RUNX1T1: variants seen among roughly 807,000 people sequenced by gnomAD.
The protein encoded by RUNX1T1 is protein CBFA2T1.
A neutral mutation model predicts 62.8 loss-of-function variants in RUNX1T1; 4 were observed. The ratio of observed to expected loss-of-function variants is 0.06; its 90% CI spans 0.03 to 0.15. RUNX1T1 has a LOEUF of 0.15. RUNX1T1 is among the 10% of genes least tolerant of loss of function. The pLI is 1.00. For missense variants in RUNX1T1, 508 were observed against 754.3 expected (o/e 0.67, Z 3.82); for synonymous variants, 291 against 286.0 (o/e 1.02, Z -0.18).
chr8:92,028,194 T>TTC (rs200563141), intron 1 of RUNX1T1, among the ~76,000 whole-genome samples: 4,289 of 140,262 alleles, frequency 0.031, 205 homozygotes, highest in African/African-American at 0.11. Flanking sequence ...ATATTAGTAA[T>TTC]TCTTTTTTTT....
At chr8:91,963,487 TTTC>T (rs1435120412) in intron 10 of RUNX1T1, among the ~76,000 whole-genome samples, 66 of 152,320 alleles carry the variant, frequency 4.3e-4, no homozygotes, top group African/African-American at 1.5e-3. Flanking sequence ...GAAAGAGCAA[TTTC>T]TATTAATATA....
At chr8:91,955,523 T>C (rs1431229363), downstream of RUNX1T1, 4 of 225,664 alleles carry the variant, frequency 1.8e-5, no homozygotes, top group East Asian at 2.6e-4. Context: ...ACTACCAAAT[T>C]CTTGGAAAAG....
At chr8:92,062,233 T>C (rs567767648) in intron 1 of RUNX1T1, among the ~76,000 whole-genome samples, 3 of 152,034 alleles carry the variant, frequency 2.0e-5, no homozygotes, top group Non-Finnish European at 4.4e-5. Context: ...ACAGAAACAA[T>C]ACTTCTTACT....
chr8:92,047,298 T>G (rs1023153327), intron 1 of RUNX1T1, among the ~76,000 whole-genome samples: 1 of 151,964 alleles, frequency 6.6e-6, no homozygotes. Context: ...TTCCCTCATC[T>G]CCCTCAAATC....
At chr8:92,018,692 T>C (rs1472854419) in intron 1 of RUNX1T1, among the ~76,000 whole-genome samples, 1 of 152,206 alleles carries the variant, frequency 6.6e-6, no homozygotes, top group African/African-American at 2.4e-5. Context: ...ATTCCAAATC[T>C]ACCTCACTTT....
intron 2 of RUNX1T1, among the ~76,000 whole-genome samples, chr8:92,072,683 T>C (rs1413042468): frequency 4.6e-5 from 7 of 152,236 alleles, no homozygotes; most frequent in Admixed American, 3.3e-4. Context: ...CACACTGACC[T>C]GGGATCAGTG....
chr8:91,978,400 C>T (rs1165901279), intron 8 of RUNX1T1, among the ~76,000 whole-genome samples: 1 of 152,114 alleles, frequency 6.6e-6, no homozygotes, highest in Non-Finnish European at 1.5e-5. Context: ...CTGGTACTTG[C>T]TATTATCCTC....
chr8:92,005,226 G>A (rs1376185409), exon 5 of RUNX1T1: 1 of 1,614,064 alleles, frequency 6.2e-7, no homozygotes. Context: ...GCTGGGCGAG[G>A]TACTGGGCAG....
At chr8:91,982,987 G>A (rs1815722030) in intron 8 of RUNX1T1, among the ~76,000 whole-genome samples, 1 of 142,736 alleles carries the variant, frequency 7.0e-6, no homozygotes, top group Non-Finnish European at 1.5e-5. Flanking sequence ...GAGTGCAATG[G>A]CGTGATCTCG....
At chr8:91,969,395 T>G (rs1359773920) in intron 10 of RUNX1T1, among the ~76,000 whole-genome samples, 1 of 152,202 alleles carries the variant, frequency 6.6e-6, no homozygotes, top group African/African-American at 2.4e-5. Context: ...AAGTGACAGT[T>G]TTAATGATAT....
At chr8:91,962,962 C>T (rs1232021483) in intron 10 of RUNX1T1, among the ~76,000 whole-genome samples, 1 of 152,176 alleles carries the variant, frequency 6.6e-6, no homozygotes, top group African/African-American at 2.4e-5. Context: ...ATGTATGCAA[C>T]ATTCTCAATT....
At chr8:92,085,754 A>T (rs1836007762) in intron 1 of RUNX1T1, among the ~76,000 whole-genome samples, 1 of 152,210 alleles carries the variant, frequency 6.6e-6, no homozygotes, top group Admixed American at 6.5e-5. Context: ...ACCATATCCT[A>T]AAAGTCCTCA....
intron 5 of RUNX1T1, among the ~76,000 whole-genome samples, chr8:91,999,950 T>C (rs1429483805): frequency 6.6e-6 from 1 of 152,130 alleles, no homozygotes; most frequent in Admixed American, 6.5e-5. Context: ...CAAGTTAAAG[T>C]TGAAGCTGGA....
chr8:92,045,028 C>T (rs1030253839), intron 1 of RUNX1T1, among the ~76,000 whole-genome samples: 1 of 144,246 alleles, frequency 6.9e-6, no homozygotes. Context: ...GCCAAGAGTT[C>T]GAGACCAGCC....
intron 1 of RUNX1T1, among the ~76,000 whole-genome samples, chr8:92,033,169 T>C (rs1341829830): frequency 6.6e-6 from 1 of 152,144 alleles, no homozygotes; most frequent in African/African-American, 2.4e-5. Flanking sequence ...ACAAAGAAAT[T>C]CATAATGAGG....
intron 9 of RUNX1T1, 133 bp downstream of exon 10, chr8:91,975,772 T>TTTTTG: frequency 3.1e-6 from 2 of 635,110 alleles, no homozygotes; most frequent in East Asian, 2.6e-5. Context: ...TTAGTGGTTT[T>TTTTTG]TTTTGTTTTG....
chr8:91,997,563 C>T (rs1457935234), intron 5 of RUNX1T1, among the ~76,000 whole-genome samples: 1 of 152,192 alleles, frequency 6.6e-6, no homozygotes, highest in African/African-American at 2.4e-5. Flanking sequence ...CCTCATTTCT[C>T]TTTTGCTTTC....
intron 10 of RUNX1T1, among the ~76,000 whole-genome samples, chr8:91,968,212 C>T (rs1316691065): frequency 3.3e-5 from 5 of 152,114 alleles, no homozygotes; most frequent in Non-Finnish European, 7.3e-5. Flanking sequence ...ATCATCTGAT[C>T]AGATGAACAT....
At chr8:92,102,921 T>A, upstream of RUNX1T1, 2 of 1,512,046 alleles carry the variant, frequency 1.3e-6, no homozygotes, top group Non-Finnish European at 1.8e-6. The surrounding 1 kb of genome is among the most constrained non-coding windows in gnomAD (Gnocchi z 4.5). Context: ...AAACTTCCCG[T>A]CGTCTCGGCC....
Sources: gnomAD v4.1 joint callset for allele counts (sites outside exome capture counted in the v4.1 genomes callset) on GRCh38, gnomAD v4.1.1 for gene constraint, Gnocchi (gnomAD v3.1) non-coding constraint, MANE v1.5 for transcripts, NCBI Gene and HGNC (gene_info 2026-07-23, HGNC 2026-07-21) for gene names.